Variants in KIF6 observed in about 807,000 individuals in gnomAD.
KIF6 encodes kinesin-like protein KIF6.
KIF6 carries 106 observed loss-of-function variants against 112.7 expected under a neutral mutation model. The observed-to-expected ratio is 0.94, with a 90% CI of 0.80 to 1.11. The LOEUF (loss-of-function observed/expected upper bound fraction) is 1.11, where lower values mean the gene tolerates loss of function less well. Ranked by LOEUF, KIF6 falls within the 50% of genes least tolerant of loss-of-function variation. The pLI is 0.00. For synonymous variants in KIF6, 339 were observed against 339.9 expected (o/e 1.00, Z 0.03); for missense variants, 929 against 964.0 (o/e 0.96, Z 0.48).
At chr6:39,510,065 G>C (rs916996519) in intron 13 of KIF6, among the ~76,000 whole-genome samples, 1 of 151,758 alleles carries the variant, frequency 6.6e-6, no homozygotes, top group Non-Finnish European at 1.5e-5. Context: ...GAAGAGAGTG[G>C]GGGCCAATAT....
rs142521809 is a variant in KIF6, at chr6:39,378,247, C to CCA, written c.1861+7373_1861+7374dup. ...ACAACATATCCATACCACCAACACA[C>CCA]CACACACACACACAAACCCACAAAC... is the stretch of plus-strand genomic sequence containing the variant. On this transcript the variant is annotated intron_variant, in intron 16 of 22. Transcript: ENST00000287152. The surrounding 1 kb of genome is among the most constrained non-coding windows in gnomAD (Gnocchi z 5.0). 1.9e-4 allele frequency among the ~76,000 whole-genome samples: 29 copies of CCA among 150,514 alleles called. No homozygotes were observed. Among genetic ancestry groups the CCA allele is most frequent in the Admixed American group, 8.6e-4 (13 of 15,064 alleles).
intron 13 of KIF6, among the ~76,000 whole-genome samples, chr6:39,514,661 G>A (rs2150515296): frequency 6.6e-6 from 1 of 152,230 alleles, no homozygotes; most frequent in South Asian, 2.1e-4. Context: ...TATAGAAGCT[G>A]TATGTAACAG....
intron 10 of KIF6, among the ~76,000 whole-genome samples, chr6:39,569,991 G>T (rs1780554657): frequency 6.6e-6 from 1 of 152,180 alleles, no homozygotes; most frequent in Non-Finnish European, 1.5e-5. Context: ...GAGCATTTAA[G>T]ACTCTTCCTT....
chr6:39,538,145 A>G (rs1200993156), intron 13 of KIF6, among the ~76,000 whole-genome samples: 1 of 152,118 alleles, frequency 6.6e-6, no homozygotes, highest in Non-Finnish European at 1.5e-5. Context: ...ACCATTCAGG[A>G]CACAGGCATG....
intron 13 of KIF6, among the ~76,000 whole-genome samples, chr6:39,508,653 G>A (rs1776585480): frequency 6.6e-6 from 1 of 152,174 alleles, no homozygotes; most frequent in Admixed American, 6.5e-5. Flanking sequence ...GGAGCTTGGT[G>A]GGGGGAGGGG....
intron 13 of KIF6, among the ~76,000 whole-genome samples, chr6:39,535,469 C>T (rs1778364044): frequency 6.6e-6 from 1 of 151,994 alleles, no homozygotes; most frequent in African/African-American, 2.4e-5. Flanking sequence ...ACAAAGAAGG[C>T]CATTACATAA....
chr6:39,578,347 T>TTA (rs1781092867), intron 9 of KIF6, among the ~76,000 whole-genome samples, 188 bp from the exon 10 acceptor site: 1 of 150,952 alleles, frequency 6.6e-6, no homozygotes, highest in Non-Finnish European at 1.5e-5. Context: ...TTTTTTTTTT[T>TTA]TTGGAGACAG....
At chr6:39,622,723 T>C (rs796453491) in intron 5 of KIF6, among the ~76,000 whole-genome samples, 27 of 152,312 alleles carry the variant, frequency 1.8e-4, no homozygotes, top group African/African-American at 5.8e-4. Flanking sequence ...GACAAATAAG[T>C]GAAAGTCATT....
intron 3 of KIF6, among the ~76,000 whole-genome samples, chr6:39,711,040 T>TA (rs1166615442): frequency 6.7e-6 from 1 of 148,792 alleles, no homozygotes; most frequent in Non-Finnish European, 1.5e-5. Flanking sequence ...AACTAAAAAT[T>TA]AAAAAATTAA....
intron 6 of KIF6, among the ~76,000 whole-genome samples, chr6:39,601,972 T>G (rs1240336543): frequency 1.3e-5 from 2 of 152,172 alleles, no homozygotes; most frequent in Non-Finnish European, 2.9e-5. Context: ...ATTCTACAAT[T>G]GACTTCAATC....
intron 10 of KIF6, among the ~76,000 whole-genome samples, chr6:39,561,174 C>CCTAA: frequency 6.6e-6 from 1 of 152,276 alleles, no homozygotes; most frequent in Middle Eastern, 3.4e-3. Context: ...AGAAAAAGTA[C>CCTAA]CTAAGCAAGA....
intron 9 of KIF6, among the ~76,000 whole-genome samples, chr6:39,581,735 TC>T (rs1238845994): frequency 2.6e-5 from 4 of 152,212 alleles, no homozygotes; most frequent in African/African-American, 9.6e-5. Flanking sequence ...TCAGCATCCA[TC>T]TTGCAACATC....
intron 13 of KIF6, among the ~76,000 whole-genome samples, chr6:39,521,583 C>T (rs1777404741): frequency 6.6e-6 from 1 of 152,108 alleles, no homozygotes; most frequent in Admixed American, 6.6e-5. Flanking sequence ...CAACTGTCCC[C>T]CTAAAAATGT....
At chr6:39,458,532 C>A (rs1355835151) in intron 13 of KIF6, among the ~76,000 whole-genome samples, 1 of 151,198 alleles carries the variant, frequency 6.6e-6, no homozygotes, top group African/African-American at 2.4e-5. Context: ...GGCACTCAGG[C>A]AGGAGAAGGA....
At chr6:39,630,548 G>A (rs1582314493) in intron 5 of KIF6, among the ~76,000 whole-genome samples, 1 of 151,992 alleles carries the variant, frequency 6.6e-6, no homozygotes, top group East Asian at 1.9e-4. Flanking sequence ...CTGCAACCTT[G>A]CCATAATCAC....
At chr6:39,439,315 T>G (rs1294783027) in intron 13 of KIF6, among the ~76,000 whole-genome samples, 1 of 152,206 alleles carries the variant, frequency 6.6e-6, no homozygotes, top group Non-Finnish European at 1.5e-5. Context: ...GAACTTGCCA[T>G]GCTCATTTCT....
At position 39,705,615 on chromosome 6, in the gene KIF6, C is replaced by T. The variant is rs550173890; in HGVS notation, c.251+9077G>A. Reference sequence around the variant, plus strand: ...GAACAAAGGTAAAGAGGAGACCTTGCCTCCATGAAGTTTAATTCACACACA... The same window carrying T: ...GAACAAAGGTAAAGAGGAGACCTTGTCTCCATGAAGTTTAATTCACACACA... On this transcript the variant is annotated intron_variant, in intron 3 of 22. Coordinates refer to ENST00000287152, the MANE Select transcript of KIF6 (RefSeq NM_145027.6). Among the ~76,000 whole-genome samples the T allele has an allele frequency of 2.0e-5, 3 of 152,272 alleles. No individual in the cohort carries two copies. In the East Asian group the frequency reaches 5.8e-4, roughly 29 times the overall value.
At chr6:39,574,592 C>T (rs902326208) in intron 10 of KIF6, among the ~76,000 whole-genome samples, 5 of 151,820 alleles carry the variant, frequency 3.3e-5, no homozygotes, top group African/African-American at 1.2e-4. Context: ...TTTCATGATT[C>T]TTTTCTGTAT....
intron 3 of KIF6, among the ~76,000 whole-genome samples, chr6:39,673,421 C>T (rs189948641): frequency 8.5e-5 from 13 of 152,286 alleles, no homozygotes; most frequent in African/African-American, 3.1e-4. Context: ...TAAGTTAACA[C>T]TTAGCATACA....
Sources: gnomAD v4.1 joint callset for allele counts (sites outside exome capture counted in the v4.1 genomes callset) on GRCh38, gnomAD v4.1.1 for gene constraint, Gnocchi (gnomAD v3.1) non-coding constraint, MANE v1.5 for transcripts, NCBI Gene and HGNC (gene_info 2026-07-23, HGNC 2026-07-21) for gene names.